Variants in PDE4D observed in about 807,000 individuals in gnomAD.
PDE4D encodes 3',5'-cyclic-AMP phosphodiesterase 4D.
In PDE4D, 24 loss-of-function variants were observed where a neutral mutation model predicts 87.4. The observed-to-expected ratio is 0.27, with a 90% confidence interval of 0.20 to 0.39. The LOEUF is 0.39. Ranked by LOEUF, PDE4D falls within the 10% of genes least tolerant of loss-of-function variation. The pLI, the probability that PDE4D is intolerant of heterozygous loss-of-function variation, is 1.00. For synonymous variants in PDE4D, 384 were observed against 383.2 expected (o/e 1.00, Z -0.02); for missense variants, 714 against 1,041.0 (o/e 0.69, Z 4.32).
intron 1 of PDE4D, among the ~76,000 whole-genome samples, chr5:59,375,445 G>T (rs1269019120): frequency 1.3e-5 from 2 of 152,014 alleles, no homozygotes; most frequent in African/African-American, 2.4e-5. Context: ...TAGAAGAAAT[G>T]GATAAATTCC....
intron 5 of PDE4D, among the ~76,000 whole-genome samples, chr5:59,111,840 T>C (rs1247249362): frequency 6.6e-6 from 1 of 152,240 alleles, no homozygotes; most frequent in African/African-American, 2.4e-5. Context: ...ATAATTCATT[T>C]ATTCAAGAAT....
intron 1 of PDE4D, among the ~76,000 whole-genome samples, chr5:59,448,613 T>A (rs1304472369): frequency 6.6e-6 from 1 of 152,156 alleles, no homozygotes; most frequent in Non-Finnish European, 1.5e-5. Context: ...AAAGGAAGAA[T>A]GTAGAATAAT....
chr5:59,485,982 CT>C (rs974208122), intron 1 of PDE4D, among the ~76,000 whole-genome samples: 3 of 151,864 alleles, frequency 2.0e-5, no homozygotes, highest in South Asian at 2.1e-4. Context: ...AGGGTTTAAG[CT>C]TTTTTTTAAT....
upstream of PDE4D, chr5:59,893,770 A>C: frequency 7.4e-7 from 1 of 1,350,116 alleles, no homozygotes; most frequent in Non-Finnish European, 9.4e-7. Context: ...TGAAGGCGCC[A>C]GAGCCTCAGG....
chr5:60,029,690 T>A (rs1308587982), intron 2 of PDE4D, among the ~76,000 whole-genome samples: 1 of 152,122 alleles, frequency 6.6e-6, no homozygotes, highest in Non-Finnish European at 1.5e-5. Flanking sequence ...CAGTAAGTAA[T>A]CTTTCATCAT....
At chr5:60,439,074 C>T (rs1325084283) in intron 1 of PDE4D, among the ~76,000 whole-genome samples, 1 of 152,000 alleles carries the variant, frequency 6.6e-6, no homozygotes, top group Admixed American at 6.6e-5. Flanking sequence ...AGTAGAACAC[C>T]GTGTGGCCTT....
chr5:60,033,141 T>A (rs1335733996), intron 2 of PDE4D: 1 of 152,188 alleles, frequency 6.6e-6, no homozygotes, highest in Non-Finnish European at 1.5e-5. Context: ...ACCTACAATA[T>A]CACTGGTAAA....
rs147305865 is a variant in PDE4D at position 60,362,047 on chromosome 5, A to G, written c.-90+125895T>C. ...TTATCTATTTATTAATTCCACAAGA[A>G]TTTAAAACTCTGCTTTCTGCTGAAG... is the stretch of plus-strand genomic sequence containing the variant. On this transcript the variant is annotated intron_variant, in intron 1 of 16. Coordinates refer to the PDE4D transcript ENST00000502484. Among the ~76,000 whole-genome samples, 730 of 152,318 alleles carry G rather than the reference A, an allele frequency of 4.8e-3. 6 individuals carry two copies. Among genetic ancestry groups the G allele is most frequent in the African/African-American group, 0.017 (715 of 41,572 alleles).
intron 2 of PDE4D, chr5:60,030,766 A>G (rs969049015): frequency 6.6e-6 from 1 of 152,230 alleles, no homozygotes; most frequent in Non-Finnish European, 1.5e-5. Flanking sequence ...TCAAAAATAA[A>G]TAAATAAATG....
chr5:59,857,380 G>A (rs1581447577), intron 1 of PDE4D, among the ~76,000 whole-genome samples: 1 of 152,144 alleles, frequency 6.6e-6, no homozygotes, highest in Non-Finnish European at 1.5e-5. Flanking sequence ...CTCCAGATAA[G>A]TCATTTTTTA....
At chr5:59,107,110 T>G (rs1446552719) in intron 5 of PDE4D, among the ~76,000 whole-genome samples, 1 of 151,958 alleles carries the variant, frequency 6.6e-6, no homozygotes, top group Non-Finnish European at 1.5e-5. Flanking sequence ...GCTACATCTG[T>G]GTGTGTGTGT....
intron 1 of PDE4D, among the ~76,000 whole-genome samples, chr5:59,752,642 T>G (rs550186813): frequency 2.5e-4 from 38 of 152,188 alleles, no homozygotes; most frequent in Admixed American, 2.3e-3. Context: ...CATTTTGAAT[T>G]TTCACCTCAT....
At chr5:59,120,438 A>G (rs1774292944) in intron 5 of PDE4D, among the ~76,000 whole-genome samples, 1 of 152,154 alleles carries the variant, frequency 6.6e-6, no homozygotes, top group African/African-American at 2.4e-5. Flanking sequence ...AGGCACTTTG[A>G]GTATCAACAA....
chr5:59,590,854 A>G (rs1181556962), intron 1 of PDE4D, among the ~76,000 whole-genome samples: 1 of 152,222 alleles, frequency 6.6e-6, no homozygotes, highest in Admixed American at 6.5e-5. Context: ...CAACATTTTC[A>G]TTGAAAGATC....
intron 1 of PDE4D, among the ~76,000 whole-genome samples, chr5:59,771,458 A>AGAGAGAG (rs1491473983): frequency 3.8e-4 from 30 of 78,904 alleles, no homozygotes; most frequent in African/African-American, 1.8e-3. Context: ...AGAAAGAAAG[A>AGAGAGAG]AAGAAAGAAA....
chr5:60,211,460 T>G (rs1743210246), intron 1 of PDE4D, among the ~76,000 whole-genome samples: 2 of 142,606 alleles, frequency 1.4e-5, no homozygotes, highest in Middle Eastern at 3.6e-3. Flanking sequence ...CTTGGGGGGG[T>G]GGGGTAGGGA....
intron 1 of PDE4D, among the ~76,000 whole-genome samples, chr5:59,634,305 C>T (rs1831967023): frequency 6.6e-6 from 1 of 152,210 alleles, no homozygotes; most frequent in South Asian, 2.1e-4. Flanking sequence ...TAACACCCCA[C>T]TGTCAATATC....
chr5:59,565,792 C>A (rs1231954992), intron 1 of PDE4D, among the ~76,000 whole-genome samples: 1 of 152,126 alleles, frequency 6.6e-6, no homozygotes, highest in African/African-American at 2.4e-5. Context: ...TTCCTCCTGT[C>A]CTCTGCCACA....
intron 2 of PDE4D, among the ~76,000 whole-genome samples, chr5:59,991,762 G>A (rs184393041): frequency 2.0e-5 from 3 of 152,270 alleles, no homozygotes; most frequent in East Asian, 1.9e-4. Context: ...GTGTACTTAT[G>A]TACTTAGGAA....
Sources: gnomAD v4.1 joint callset for allele counts (sites outside exome capture counted in the v4.1 genomes callset) on GRCh38, gnomAD v4.1.1 for gene constraint, MANE v1.5 for transcripts, NCBI Gene and HGNC (gene_info 2026-07-23, HGNC 2026-07-21) for gene names.